The following TANC2 variants were observed in gnomAD, a reference collection of about 807,000 sequenced individuals.
TANC2 encodes the protein protein TANC2.
In TANC2, 26 loss-of-function variants were observed where a neutral mutation model predicts 210.5. The observed-to-expected ratio is 0.12, with a 90% confidence interval of 0.09 to 0.17. TANC2 has a LOEUF of 0.17. Ranked by LOEUF, TANC2 falls within the 10% of genes least tolerant of loss-of-function variation. The probability of loss-of-function intolerance (pLI) is 1.00; values close to 1 mark genes in which losing one functional copy is unlikely to be tolerated. For missense variants in TANC2, 2,129 were observed against 2,608.9 expected, an observed-to-expected ratio of 0.82 and a Z score of 4.01; for synonymous variants, 931 against 967.1, an observed-to-expected ratio of 0.96 and a Z score of 0.69.
intron 8 of TANC2, among the ~76,000 whole-genome samples, chr17:63,248,546 A>G (rs2042976741): frequency 6.6e-6 from 1 of 152,174 alleles, no homozygotes; most frequent in Non-Finnish European, 1.5e-5. Context: ...GTAACTTTTA[A>G]AAACCTGGGT....
chr17:63,112,089 T>A (rs1053295731), intron 4 of TANC2, among the ~76,000 whole-genome samples: 2 of 152,196 alleles, frequency 1.3e-5, no homozygotes, highest in Non-Finnish European at 2.9e-5. Context: ...GACCATGGGC[T>A]CATAGCTTCT....
intron 7 of TANC2, among the ~76,000 whole-genome samples, chr17:63,221,038 G>T (rs1350178847): frequency 6.6e-6 from 1 of 151,882 alleles, no homozygotes. Context: ...GTAACCTTGT[G>T]TTAGGCAAAA....
intron 4 of TANC2, among the ~76,000 whole-genome samples, chr17:63,121,477 T>C (rs772669041): frequency 6.6e-6 from 1 of 152,166 alleles, no homozygotes; most frequent in Non-Finnish European, 1.5e-5. Flanking sequence ...TTTGGACTTT[T>C]CTTTGGGAGC....
chr17:63,236,683 C>T (rs2042630143), intron 7 of TANC2, among the ~76,000 whole-genome samples: 6 of 152,080 alleles, frequency 3.9e-5, no homozygotes, highest in South Asian at 2.1e-4. Flanking sequence ...CTCCATTGTC[C>T]GTCATTCCAT....
At chr17:63,422,571 C>G (rs531948801) in exon 28 of TANC2, 56 of 152,238 alleles carry the variant, frequency 3.7e-4, no homozygotes, top group African/African-American at 1.3e-3. Flanking sequence ...GGAAGAAAAC[C>G]CCAATATAAT....
At chr17:63,114,285 A>G (rs1424072010) in intron 4 of TANC2, among the ~76,000 whole-genome samples, 2 of 152,212 alleles carry the variant, frequency 1.3e-5, no homozygotes, top group African/African-American at 2.4e-5. Flanking sequence ...GAAATCCATT[A>G]CATATCATTC....
intron 4 of TANC2, among the ~76,000 whole-genome samples, chr17:63,144,427 C>T (rs901358364): frequency 5.9e-5 from 9 of 152,086 alleles, no homozygotes; most frequent in African/African-American, 1.9e-4. Flanking sequence ...TTGTATAAAT[C>T]ACAGAGAAAT....
intron 1 of TANC2, among the ~76,000 whole-genome samples, chr17:62,992,296 CA>C (rs1239970193): frequency 1.3e-5 from 2 of 152,150 alleles, no homozygotes; most frequent in African/African-American, 4.8e-5. Context: ...TTTAGGGTTG[CA>C]TAGACAAGAT....
At chr17:63,023,119 A>G (rs893005311) in intron 2 of TANC2, among the ~76,000 whole-genome samples, 1 of 152,206 alleles carries the variant, frequency 6.6e-6, no homozygotes, top group Admixed American at 6.5e-5. Flanking sequence ...GGCAATGCCT[A>G]TGAGGGACTT....
chr17:63,025,811 TAAAATTAAATTAAAA>T (rs1305024392), intron 2 of TANC2, among the ~76,000 whole-genome samples: 67 of 119,676 alleles, frequency 5.6e-4, no homozygotes, highest in African/African-American at 2.1e-3. Flanking sequence ...TAAAATAAAA[TAAAATTAAATTAAAA>T]TAAAATAAAA....
chr17:63,274,487 A>C (rs2043812816), intron 9 of TANC2, among the ~76,000 whole-genome samples: 1 of 152,186 alleles, frequency 6.6e-6, no homozygotes, highest in South Asian at 2.1e-4. Context: ...TATTAATTTG[A>C]ATTAATTTAA....
At chr17:63,332,238 T>C in intron 11 of TANC2, 1 of 344,870 alleles carries the variant, frequency 2.9e-6, no homozygotes, top group Non-Finnish European at 5.6e-6. Context: ...CCTTTTATGG[T>C]ACAGTCTCCT....
chr17:63,370,383 T>G (rs1373360485), intron 14 of TANC2, among the ~76,000 whole-genome samples: 9 of 151,964 alleles, frequency 5.9e-5, no homozygotes, highest in Non-Finnish European at 1.3e-4. Flanking sequence ...TTTCACCATG[T>G]TAGCCAGGAT....
At chr17:63,253,209 A>G (rs955897172) in intron 8 of TANC2, among the ~76,000 whole-genome samples, 6 of 152,200 alleles carry the variant, frequency 3.9e-5, no homozygotes, top group South Asian at 4.1e-4. Flanking sequence ...AGTGATGTTT[A>G]GCACCTTTTC....
At position 63,420,156 on chromosome 17, in the gene TANC2, C is replaced by A. The variant is rs764219146; in HGVS notation, c.4426C>A (p.Pro1476Thr). ...GCCACCGCAGCCTCAGCAGCAGTTG[C>A]CGGAAGAAGCAGAACCTGAGCCACA... The change falls in exon 28 of 28, where the codon CCG becomes ACG. Residue 1476 changes from proline to threonine, a missense_variant. By Grantham distance (38) the Pro-to-Thr change is conservative (BLOSUM62 -1). Coordinates refer to ENST00000689528, the Ensembl canonical transcript of TANC2. This position sits in a 1 kb window ranked among gnomAD's most constrained non-coding sequence, Gnocchi z 4.2. 1.0e-5 allele frequency: 16 copies of A among 1,562,090 alleles called. No individual in the cohort carries two copies. Among genetic ancestry groups the A allele is most frequent in the Non-Finnish European group, 1.4e-5 (16 of 1,152,706 alleles).
intron 9 of TANC2, among the ~76,000 whole-genome samples, chr17:63,283,159 T>C (rs910717143): frequency 2.0e-5 from 3 of 152,060 alleles, no homozygotes; most frequent in Non-Finnish European, 4.4e-5. Flanking sequence ...CTTTTTCTTT[T>C]CGGTTTCTTC....
At chr17:63,189,213 T>C (rs75005906) in intron 5 of TANC2, among the ~76,000 whole-genome samples, 3,135 of 152,302 alleles carry the variant, frequency 0.021, 39 homozygotes, top group South Asian at 0.038. Flanking sequence ...TTGACTGTTA[T>C]GAATAACACT....
chr17:63,186,460 C>A (rs1449889491), intron 5 of TANC2, among the ~76,000 whole-genome samples: 1 of 150,168 alleles, frequency 6.7e-6, no homozygotes, highest in African/African-American at 2.5e-5. Flanking sequence ...ACAAGTGATT[C>A]TCCTGCCCCA....
At chr17:63,254,147 T>C (rs2043125827) in intron 8 of TANC2, among the ~76,000 whole-genome samples, 1 of 152,184 alleles carries the variant, frequency 6.6e-6, no homozygotes, top group African/African-American at 2.4e-5. Context: ...CCTTCCTTTG[T>C]GTCCTCTTTA....
Sources: allele counts gnomAD v4.1 joint callset (sites outside exome capture counted in the v4.1 genomes callset), GRCh38; gene constraint gnomAD v4.1.1; non-coding constraint Gnocchi (gnomAD v3.1); transcripts MANE v1.5; gene names NCBI Gene and HGNC (gene_info 2026-07-23, HGNC 2026-07-21).